Variants in GPHN observed in about 807,000 individuals in gnomAD.
GPHN encodes the protein gephyrin.
A neutral mutation model predicts 95.5 loss-of-function variants in GPHN; 17 were observed. The observed-to-expected ratio is 0.18, with a 90% CI of 0.12 to 0.27. The LOEUF is 0.27. Ranked by LOEUF, GPHN falls within the 10% of genes least tolerant of loss-of-function variation. GPHN has a pLI of 1.00. For synonymous variants in GPHN, 320 were observed against 322.5 expected, an observed-to-expected ratio of 0.99 and a Z score of 0.08; for missense variants, 660 against 978.1, an observed-to-expected ratio of 0.67 and a Z score of 4.34.
the GPHN span, among the ~76,000 whole-genome samples, chr14:67,542,986 C>A: frequency 6.6e-6 from 1 of 152,190 alleles, no homozygotes; most frequent in Non-Finnish European, 1.5e-5. Flanking sequence ...GCTGGGATTA[C>A]AGACATGAGC....
the GPHN span, among the ~76,000 whole-genome samples, chr14:67,445,084 T>A: frequency 6.6e-6 from 1 of 152,176 alleles, no homozygotes; most frequent in Non-Finnish European, 1.5e-5. Flanking sequence ...TCTTGAACAA[T>A]GAGTTTCCAA....
At chr14:66,776,605 G>T in intron 3 of GPHN, 84 bp downstream of exon 3, 1 of 814,868 alleles carries the variant, frequency 1.2e-6, no homozygotes, top group South Asian at 1.3e-5. Flanking sequence ...TTATGCCATT[G>T]ATATTTGGCT....
At chr14:67,364,794 T>C in the GPHN span, 2 of 1,613,704 alleles carry the variant, frequency 1.2e-6, no homozygotes, top group African/African-American at 2.7e-5. Context: ...GTAGATTTTA[T>C]CAACACAAAT....
chr14:67,695,533 C>T, the GPHN span: 1 of 1,255,576 alleles, frequency 8.0e-7, no homozygotes, highest in Non-Finnish European at 1.1e-6. Flanking sequence ...GGAGCCCCCC[C>T]AGGGGAGTTT....
the GPHN span, among the ~76,000 whole-genome samples, chr14:67,321,599 ATTTATCT>A: frequency 6.6e-6 from 1 of 152,186 alleles, no homozygotes; most frequent in African/African-American, 2.4e-5. Flanking sequence ...AATTAAATTC[ATTTATCT>A]TTTATATACA....
At chr14:66,834,476 T>C (rs750142032) in intron 4 of GPHN, among the ~76,000 whole-genome samples, 6 of 152,106 alleles carry the variant, frequency 3.9e-5, no homozygotes, top group African/African-American at 1.4e-4. Context: ...AGTTGTTGAA[T>C]TTTCTCAAAG....
intron 21 of GPHN, among the ~76,000 whole-genome samples, chr14:67,175,474 A>G (rs181023271): frequency 5.9e-5 from 9 of 152,174 alleles, no homozygotes; most frequent in Non-Finnish European, 1.3e-4. Context: ...TGTTTTGGTT[A>G]CTATAGCATT....
At chr14:66,579,813 A>G (rs935840961) in intron 1 of GPHN, among the ~76,000 whole-genome samples, 4 of 151,838 alleles carry the variant, frequency 2.6e-5, no homozygotes, top group Non-Finnish European at 4.4e-5. Context: ...TAGAAAATCA[A>G]TATGGAATTT....
chr14:67,332,951 A>G, the GPHN span: 1 of 1,602,890 alleles, frequency 6.2e-7, no homozygotes, highest in Non-Finnish European at 8.5e-7. Flanking sequence ...CACTTGGCTG[A>G]GGTGAAAGAA....
chr14:67,690,637 G>C, the GPHN span: 2 of 539,372 alleles, frequency 3.7e-6, no homozygotes, highest in African/African-American at 1.9e-5. Context: ...GATAGGTCTA[G>C]ACTATGTGAA....
At chr14:67,504,273 C>T in the GPHN span, among the ~76,000 whole-genome samples, 2 of 152,148 alleles carry the variant, frequency 1.3e-5, no homozygotes, top group African/African-American at 4.8e-5. Context: ...CTCAGCCTCC[C>T]AAAGTGCTGG....
chr14:67,453,826 C>T, the GPHN span, among the ~76,000 whole-genome samples: 1 of 152,234 alleles, frequency 6.6e-6, no homozygotes, highest in Non-Finnish European at 1.5e-5. Flanking sequence ...AGACACAGGA[C>T]ACAGTGAGCA....
the GPHN span, among the ~76,000 whole-genome samples, chr14:67,497,713 C>A: frequency 6.6e-6 from 1 of 152,146 alleles, no homozygotes; most frequent in Non-Finnish European, 1.5e-5. Context: ...GGATACTGTA[C>A]TTTGTGTTCT....
intron 10 of GPHN, among the ~76,000 whole-genome samples, chr14:67,030,157 G>T (rs1285132622): frequency 6.6e-6 from 1 of 151,390 alleles, no homozygotes; most frequent in Non-Finnish European, 1.5e-5. Flanking sequence ...CTAAACTTCA[G>T]TTTTTTTTCC....
intron 9 of GPHN, among the ~76,000 whole-genome samples, chr14:66,992,724 T>C (rs900477307): frequency 5.8e-4 from 89 of 152,324 alleles, no homozygotes; most frequent in African/African-American, 1.9e-3. Flanking sequence ...CAGCAAATCC[T>C]GTTTTTTTAT....
chr14:67,465,453 T>C, the GPHN span, among the ~76,000 whole-genome samples: 63 of 129,136 alleles, frequency 4.9e-4, 9 homozygotes, highest in Admixed American at 7.6e-4. Flanking sequence ...AGCTTGATCC[T>C]TAGGGTAATG....
At chr14:67,661,105 G>A in the GPHN span, among the ~76,000 whole-genome samples, 2 of 151,858 alleles carry the variant, frequency 1.3e-5, no homozygotes, top group Non-Finnish European at 1.5e-5. Context: ...AAGGAAGTTC[G>A]CTGGCCAAAA....
intron 20 of GPHN, among the ~76,000 whole-genome samples, chr14:67,165,512 T>C (rs560601906): frequency 1.3e-5 from 2 of 152,284 alleles, no homozygotes; most frequent in East Asian, 3.9e-4. Flanking sequence ...CATCAAGTGT[T>C]AGCTGTCACT....
At chr14:66,919,573 G>A (rs747491816) in intron 6 of GPHN, among the ~76,000 whole-genome samples, 2 of 152,176 alleles carry the variant, frequency 1.3e-5, no homozygotes, top group Non-Finnish European at 2.9e-5. Flanking sequence ...AAGGTTTGGT[G>A]TCTAGCAGTA....
Sources: allele counts gnomAD v4.1 joint callset (sites outside exome capture counted in the v4.1 genomes callset), GRCh38; gene constraint gnomAD v4.1.1; transcripts MANE v1.5; gene names NCBI Gene and HGNC (gene_info 2026-07-23, HGNC 2026-07-21).